The following ZFHX4 variants were observed in gnomAD, a reference collection of about 807,000 sequenced individuals.
ZFHX4 encodes the protein zinc finger homeobox protein 4.
A neutral mutation model predicts 267.6 loss-of-function variants in ZFHX4; 56 were observed. The observed-to-expected ratio is 0.21, with a 90% CI of 0.17 to 0.26. The LOEUF (loss-of-function observed/expected upper bound fraction) is 0.26, where lower values mean the gene tolerates loss of function less well. Ranked by LOEUF, ZFHX4 falls within the 10% of genes least tolerant of loss-of-function variation. ZFHX4 has a pLI of 1.00. For synonymous variants in ZFHX4, 1,778 were observed against 1,665.6 expected (o/e 1.07, Z -1.64); for missense variants, 4,332 against 4,420.0 (o/e 0.98, Z 0.56).
chr8:76,789,373 A>T (rs996891216), intron 4 of ZFHX4, among the ~76,000 whole-genome samples: 1 of 152,194 alleles, frequency 6.6e-6, no homozygotes. Context: ...AGTGAGCCTT[A>T]GACTATATCT....
chr8:76,851,402 A>G lies in ZFHX4; in HGVS notation c.4481A>G (p.Asp1494Gly). Reference protein sequence around the residue: ...EQEMEREYEVDHEGKASPVGS... With the variant: ...EQEMEREYEVGHEGKASPVGS... ...GAAATGGAGAGAGAGTATGAGGTGG[A>G]CCACGAAGGGAAAGCAAGTCCTGTA... Residue 1494 changes from aspartate to glycine, a missense_variant, in exon 10 of 11, where the codon GAC becomes GGC. This residue lies in a region of ZFHX4 where 1,371 missense variants were observed against 1,423.1 expected (regional missense o/e 0.96). Coordinates refer to ENST00000651372, the MANE Select transcript of ZFHX4 (RefSeq NM_024721.5). The G allele has an allele frequency of 6.2e-7, 1 of 1,613,858 alleles. No individual in the cohort carries two copies. The highest frequency in any genetic ancestry group is 1.3e-5 in the African/African-American group (1 of 75,020).
chr8:76,697,016 G>C (rs1398031194), intron 1 of ZFHX4, among the ~76,000 whole-genome samples: 1 of 151,952 alleles, frequency 6.6e-6, no homozygotes, highest in African/African-American at 2.4e-5. Context: ...CTTGACTTGT[G>C]ATTGATTTTA....
chr8:76,808,429 G>A (rs941327116), intron 4 of ZFHX4, among the ~76,000 whole-genome samples: 4 of 151,938 alleles, frequency 2.6e-5, no homozygotes, highest in East Asian at 3.9e-4. Context: ...GTTGTTTTGC[G>A]CATTCCTACA....
rs759178947 is a variant in ZFHX4 at position 76,852,591 on chromosome 8, C to T, written c.5670C>T (p.Ser1890=). The T allele has an allele frequency of 4.3e-6, 7 of 1,611,892 alleles. 1 individual carries two copies. The South Asian group carries it at 7.7e-5, about 18-fold the overall frequency. The change falls in exon 10 of 11, where the codon TCC becomes TCT. Residue 1890 remains serine, a synonymous_variant. Transcript: ENST00000651372. ...KEGKDTKKQK[S]LEPSIPPPRI... ...GCAAAGACACAAAGAAGCAAAAATC[C>T]TTGGAACCATCCATCCCACCACCCC... is the stretch of plus-strand genomic sequence containing the variant.
chr8:76,728,270 C>T (rs1220871662), intron 3 of ZFHX4, among the ~76,000 whole-genome samples: 1 of 152,148 alleles, frequency 6.6e-6, no homozygotes, highest in Non-Finnish European at 1.5e-5. Context: ...ACGGTTAAAT[C>T]ATGTTGTGGA....
chr8:76,707,729 G>A lies in ZFHX4; in HGVS notation c.2774G>A (p.Ser925Asn). The A allele has an allele frequency of 1.2e-6, 2 of 1,613,868 alleles. No individual in the cohort carries two copies. Among genetic ancestry groups the A allele is most frequent in the Non-Finnish European group, 1.7e-6 (2 of 1,179,868 alleles). The change falls in exon 3 of 11, where the codon AGC becomes AAC. Residue 925 changes from serine to asparagine, a missense_variant. Ser to Asn is a conservative substitution (Grantham distance 46). Coordinates refer to ENST00000651372, the MANE Select transcript of ZFHX4 (RefSeq NM_024721.5). ...CTGGAGGCCCTAAGTGTGCATGTGA[G>A]CAGTGAGCGCTCTCTCCCTGAAGAG... ...DSLEALSVHVSSERSLPEEEW... is the reference protein window; with the variant it reads ...DSLEALSVHVNSERSLPEEEW...
intron 3 of ZFHX4, among the ~76,000 whole-genome samples, chr8:76,753,763 T>C (rs1809688012): frequency 6.6e-6 from 1 of 150,940 alleles, no homozygotes; most frequent in African/African-American, 2.4e-5. Flanking sequence ...TAGCTAGGAC[T>C]AGAGGCATGC....
chr8:76,689,078 T>C (rs1278399131), intron 1 of ZFHX4, among the ~76,000 whole-genome samples: 1 of 152,106 alleles, frequency 6.6e-6, no homozygotes, highest in African/African-American at 2.4e-5. Context: ...TTAAAATTTG[T>C]CAAGAAATTC....
In ZFHX4 at chr8:76,704,046, C is replaced by T. The variant is rs1808174252; in HGVS notation, c.-43C>T. On this transcript the variant is annotated 5_prime_UTR_variant, in exon 2 of 11. Transcript: ENST00000651372. The stretch of plus-strand genomic sequence containing the variant: ...TCTCACCTTATTTTTTATCCAGGTC[C>T]CTGACAGGCTGGATGAAATGAGATC... 1 of 1,536,374 alleles carries T rather than the reference C, an allele frequency of 6.5e-7. No individual in the cohort carries two copies. Among genetic ancestry groups the T allele is most frequent in the Non-Finnish European group, 8.7e-7 (1 of 1,143,182 alleles).
rs868386547 is a variant in ZFHX4 at position 76,865,120 on chromosome 8, A to C, written c.*555A>C. 6.5e-6 allele frequency: 1 copy of C among 152,916 alleles called. No individual in the cohort carries two copies. 9.5% of individuals were successfully genotyped at this position (152,916 alleles called of 1,614,324 possible). The stretch of plus-strand genomic sequence containing the variant: ...TGTACAAAGAGACTTTATAACCCTT[A>C]CTGGACAACACACAGATCCTTGAGC... On this transcript the variant is annotated 3_prime_UTR_variant, in exon 11 of 11. Transcript: ENST00000651372.
chr8:76,779,432 G>A (rs7817733), intron 4 of ZFHX4, among the ~76,000 whole-genome samples: 43,026 of 151,852 alleles, frequency 0.28, 8,391 homozygotes, highest in African/African-American at 0.55. Context: ...CGTCAAGGTC[G>A]CCTTTCTCAA....
chr8:76,837,902 C>T (rs1329992174), intron 5 of ZFHX4, among the ~76,000 whole-genome samples: 2 of 152,104 alleles, frequency 1.3e-5, no homozygotes, highest in Non-Finnish European at 2.9e-5. Flanking sequence ...AACAATAGTA[C>T]TCAATAGTAC....
chr8:76,694,858 A>G (rs971755323), intron 1 of ZFHX4, among the ~76,000 whole-genome samples: 3 of 151,680 alleles, frequency 2.0e-5, no homozygotes, highest in Non-Finnish European at 2.9e-5. Context: ...CCATATTAGG[A>G]GATGGCGATG....
intron 3 of ZFHX4, among the ~76,000 whole-genome samples, chr8:76,746,714 G>C (rs1809468558): frequency 6.6e-6 from 1 of 152,152 alleles, no homozygotes; most frequent in African/African-American, 2.4e-5. Flanking sequence ...GAACATGAAA[G>C]AGTCTTTACA....
intron 3 of ZFHX4, among the ~76,000 whole-genome samples, chr8:76,752,747 G>A (rs111853368): frequency 3.9e-5 from 6 of 151,962 alleles, no homozygotes; most frequent in Admixed American, 3.3e-4. Flanking sequence ...TATATATTTT[G>A]TCTTTTACTA....
chr8:76,835,654 G>A (rs1203440648), intron 5 of ZFHX4, among the ~76,000 whole-genome samples: 2 of 151,842 alleles, frequency 1.3e-5, no homozygotes, highest in Non-Finnish European at 2.9e-5. Flanking sequence ...AAAATCTAGA[G>A]AACATATTTA....
At chr8:76,761,656 CA>C (rs1307272885) in intron 3 of ZFHX4, among the ~76,000 whole-genome samples, 2 of 151,434 alleles carry the variant, frequency 1.3e-5, no homozygotes, top group African/African-American at 4.9e-5. Flanking sequence ...ATTTGTTAAA[CA>C]ATACATGTGT....
In ZFHX4 at chr8:76,863,113, A is replaced by G; in HGVS notation, c.9399A>G (p.Ala3133=). The G allele has an allele frequency of 6.6e-7, 1 of 1,526,576 alleles. No homozygotes were observed. Among genetic ancestry groups the G allele is most frequent in the Non-Finnish European group, 8.8e-7 (1 of 1,135,810 alleles). 94.6% of individuals were successfully genotyped at this position (1,526,576 alleles called of 1,614,324 possible). The change falls in exon 11 of 11, where the codon GCA becomes GCG. Residue 3133 remains alanine (A), a synonymous_variant. Transcript: ENST00000651372. The stretch of plus-strand genomic sequence containing the variant: ...TTTCAGCTTTAACACCTCCCGGTGC[A>G]GGCATGCTTGGGTTTCCTACTTCAG... ...QNSNTLTPPG[A]GMLGFPTSAT...
intron 4 of ZFHX4, among the ~76,000 whole-genome samples, chr8:76,803,581 T>C (rs1256983897): frequency 6.6e-6 from 1 of 152,146 alleles, no homozygotes; most frequent in Non-Finnish European, 1.5e-5. Flanking sequence ...TGTTTGGTGT[T>C]TGTGTCTATC....
Sources: gnomAD v4.1 joint callset for allele counts (sites outside exome capture counted in the v4.1 genomes callset) on GRCh38, gnomAD v4.1.1 for gene constraint, gnomAD v4.1.1 regional missense constraint, MANE v1.5 for transcripts, NCBI Gene and HGNC (gene_info 2026-07-23, HGNC 2026-07-21) for gene names.